The following ZNF48 variants were observed in gnomAD, a reference collection of about 807,000 sequenced individuals.
The protein encoded by ZNF48 is zinc finger protein 553.
In ZNF48, 20 loss-of-function variants were observed where a neutral mutation model predicts 40.0. The observed-to-expected ratio is 0.50, with a 90% CI of 0.35 to 0.73. The LOEUF is 0.73. Ranked by LOEUF, ZNF48 falls within the 30% of genes least tolerant of loss-of-function variation. The pLI is 0.01. For synonymous variants in ZNF48, 298 were observed against 329.7 expected (o/e 0.90, Z 1.04); for missense variants, 726 against 851.9 (o/e 0.85, Z 1.84).
At position 30,388,158 on chromosome 16, in the gene ZNF48, G is replaced by A. The variant is rs150623199; in HGVS notation, c.-15-7622G>A. ...GCTAATTTTTTTTGTATTTTTAGTA[G>A]AGATGGGGTTTCTCAGTGTTGGTCA... On this transcript the variant is annotated intron_variant, in intron 1 of 2. Transcript: ENST00000528032. Among the ~76,000 whole-genome samples the A allele has an allele frequency of 4.8e-3, 722 of 151,906 alleles. 7 individuals carry two copies. The highest frequency in any genetic ancestry group is 0.016 in the African/African-American group (680 of 41,446).
intron 1 of ZNF48, chr16:30,380,034 C>T: frequency 6.2e-7 from 1 of 1,609,322 alleles, no homozygotes. Flanking sequence ...GATCCCGGAT[C>T]TCAGGGGAAA....
At chr16:30,392,031 A>T (rs2049945972), upstream of ZNF48, among the ~76,000 whole-genome samples, 1 of 150,610 alleles carries the variant, frequency 6.6e-6, no homozygotes, top group East Asian at 2.0e-4. Flanking sequence ...TATTTATTTT[A>T]TTTTTTCCTG....
intron 1 of ZNF48, chr16:30,378,791 G>A: frequency 1.5e-6 from 2 of 1,300,084 alleles, no homozygotes; most frequent in Non-Finnish European, 2.1e-6. Context: ...CGAGGTTGGG[G>A]TCTAGGAGGC....
intron 1 of ZNF48, chr16:30,378,597 G>C (rs2049786210): frequency 1.9e-6 from 3 of 1,611,098 alleles, no homozygotes; most frequent in African/African-American, 1.3e-5. Flanking sequence ...GGGGAAGCGA[G>C]GTGCGTGCTC....
intron 1 of ZNF48, chr16:30,379,794 G>A (rs2049817480): frequency 1.6e-6 from 1 of 628,984 alleles, no homozygotes; most frequent in African/African-American, 1.8e-5. Context: ...TTTAGTAGAG[G>A]TGGGGTCTCG....
Position 30,397,244 on chromosome 16 carries a change from T to TC in ZNF48, c.80-85dup. On this transcript the variant is annotated intron_variant, in intron 2 of 2. Coordinates refer to ENST00000613509, the MANE Select transcript of ZNF48 (RefSeq NM_001214909.2). The surrounding 1 kb of genome is among the most constrained non-coding windows in gnomAD (Gnocchi z 4.1). ...TTGGGGTTCCTGTGACCACAGATTG[T>TC]CAAGGGAGTCTTCCTGGAGAGGTTG... 8.0e-7 allele frequency: 1 copy of TC among 1,249,094 alleles called. No homozygotes were observed. The highest frequency in any genetic ancestry group is 2.3e-5 in the East Asian group (1 of 42,836). 77.4% of individuals were successfully genotyped at this position (1,249,094 alleles called of 1,614,324 possible).
In ZNF48 at chr16:30,398,707, A is replaced by G. The variant is rs1042022098; in HGVS notation, c.1457A>G (p.Lys486Arg). 3 of 1,613,420 alleles carry G rather than the reference A, an allele frequency of 1.9e-6. No homozygotes were observed. Among genetic ancestry groups the G allele is most frequent in the African/African-American group, 2.7e-5 (2 of 74,722 alleles). The change falls in exon 3 of 3, where the codon AAG (lysine) becomes AGG (arginine). Residue 486 changes from lysine (K) to arginine (R), a missense_variant. By Grantham distance (26) the Lys-to-Arg change is conservative. Coordinates refer to ENST00000613509, the MANE Select transcript of ZNF48 (RefSeq NM_001214909.2). The surrounding 1 kb of genome is among the most constrained non-coding windows in gnomAD (Gnocchi z 6.6). ...CCCTACCTCTGTCCTGAATGCGGCA[A>G]GGGTTTTGCTGACAGCTCAGCCCGA... is the stretch of plus-strand genomic sequence containing the variant. ...EKPYLCPECG[K>R]GFADSSARVK...
At chr16:30,387,993 T>C (rs1394440271) in intron 1 of ZNF48, among the ~76,000 whole-genome samples, 1 of 145,252 alleles carries the variant, frequency 6.9e-6, no homozygotes, top group African/African-American at 2.6e-5. Context: ...GGAGAGGGAG[T>C]TTTTCTCTTG....
intron 1 of ZNF48, chr16:30,380,867 C>G (rs917930603): frequency 3.8e-6 from 2 of 525,776 alleles, no homozygotes; most frequent in Non-Finnish European, 6.9e-6. Context: ...AGGGAAGTCA[C>G]TATGTTCTCA....
At chr16:30,380,821 T>G in intron 1 of ZNF48, 1 of 404,804 alleles carries the variant, frequency 2.5e-6, no homozygotes, top group East Asian at 5.0e-5. Context: ...GCAGAAACAG[T>G]GGGAAAGGGC....
In ZNF48 at chr16:30,381,239, C is replaced by A. The variant is rs200056893; in HGVS notation, c.-16+2829C>A. 2 of 1,613,944 alleles carry A rather than the reference C, an allele frequency of 1.2e-6. No homozygotes were observed. Among genetic ancestry groups the A allele is most frequent in the South Asian group, 2.2e-5 (2 of 91,076 alleles). On this transcript the variant is annotated intron_variant, in intron 1 of 2. Coordinates refer to the ZNF48 transcript ENST00000528032. This position sits in a 1 kb window ranked among gnomAD's most constrained non-coding sequence, Gnocchi z 4.3. Reference sequence around the variant, plus strand: ...CCGGAGGAAGGCCACATCTAGGGGCCGGAGCCTGCACCCAGGGATTGGTCA... The same window carrying A: ...CCGGAGGAAGGCCACATCTAGGGGCAGGAGCCTGCACCCAGGGATTGGTCA...
intron 1 of ZNF48, among the ~76,000 whole-genome samples, chr16:30,387,336 C>T (rs2049909714): frequency 6.8e-6 from 1 of 147,938 alleles, no homozygotes; most frequent in African/African-American, 2.4e-5. Context: ...GGGCGGTTCA[C>T]CTGATGTCGG....
rs1052582987 is a variant in ZNF48, at chr16:30,395,637, G to T, written c.-16+59G>T. The T allele has an allele frequency of 8.9e-6, 4 of 451,900 alleles. No individual in the cohort carries two copies. Among genetic ancestry groups the T allele is most frequent in the African/African-American group, 4.2e-5 (2 of 47,566 alleles). 28.0% of individuals were successfully genotyped at this position (451,900 alleles called of 1,614,324 possible). ...CAGGTGCAGGGGCGGCCGGCGGCGC[G>T]GGCAGGGGGCACCGGGAGCCGCGCC... is the stretch of plus-strand genomic sequence containing the variant. On this transcript the variant is annotated intron_variant, in intron 1 of 2. Transcript: ENST00000613509. This position sits in a 1 kb window ranked among gnomAD's most constrained non-coding sequence, Gnocchi z 5.9.
At position 30,399,188 on chromosome 16, in the gene ZNF48, T is replaced by G; in HGVS notation, c.*81T>G. 1 of 1,341,522 alleles carries G rather than the reference T, an allele frequency of 7.5e-7. No individual in the cohort carries two copies. Among genetic ancestry groups the G allele is most frequent in the Non-Finnish European group, 1.0e-6 (1 of 998,838 alleles). 83.1% of individuals were successfully genotyped at this position (1,341,522 alleles called of 1,614,324 possible). On this transcript the variant is annotated 3_prime_UTR_variant, in exon 3 of 3. Transcript: ENST00000613509. ...AGCAGAGAAGAAAGGGCCTGGGAGGTGGTGGGAGGGAGAAGGAAGGGAAGA... is the reference window on the plus strand; with the variant it reads ...AGCAGAGAAGAAAGGGCCTGGGAGGGGGTGGGAGGGAGAAGGAAGGGAAGA...
At position 30,383,041 on chromosome 16, in the gene ZNF48, G is replaced by A. The variant is rs117885053; in HGVS notation, c.-16+4631G>A. 4,743 of 527,510 alleles carry A rather than the reference G, an allele frequency of 9.0e-3. 51 individuals are homozygous for A. The highest frequency in any genetic ancestry group is 0.013 in the Non-Finnish European group (3,768 of 290,626). The allele number at this position is 527,510 out of a possible 1,614,324, so 32.7% of individuals were successfully genotyped here. A position where few individuals can be genotyped will look rare whatever the true frequency, so the allele number is the denominator to read the frequency against. On this transcript the variant is annotated intron_variant, in intron 1 of 2. Coordinates refer to the ZNF48 transcript ENST00000528032. ...TACAAAACATTAAAAAATTAGCCAG[G>A]CATGTTGGTACAATCCTGTAGTCCC...
chr16:30,395,394 T>C (rs1252868245), upstream of ZNF48: 2 of 393,268 alleles, frequency 5.1e-6, no homozygotes, highest in Non-Finnish European at 1.0e-5. This position sits in a 1 kb window ranked among gnomAD's most constrained non-coding sequence, Gnocchi z 5.9. Context: ...AGCGGCTCCG[T>C]GCGGCCCCGC....
chr16:30,391,316 A>C (rs1340148356), upstream of ZNF48, among the ~76,000 whole-genome samples: 2 of 152,016 alleles, frequency 1.3e-5, no homozygotes, highest in Non-Finnish European at 2.9e-5. Flanking sequence ...CAGCCTCCTG[A>C]GTAGCTGGGA....
chr16:30,397,952 C>A lies in ZNF48; in HGVS notation c.702C>A (p.Ala234=). The A allele has an allele frequency of 6.2e-7, 1 of 1,613,052 alleles. No homozygotes were observed. Among genetic ancestry groups the A allele is most frequent in the South Asian group, 1.1e-5 (1 of 91,074 alleles). The change falls in exon 3 of 3, where the codon GCC becomes GCA. Residue 234 remains alanine (A), a synonymous_variant. Transcript: ENST00000613509. This position sits in a 1 kb window ranked among gnomAD's most constrained non-coding sequence, Gnocchi z 4.1. ...ICGKGFGDSS[A]RIKHQRTHRG... The stretch of plus-strand genomic sequence containing the variant: ...GCAAGGGCTTTGGCGACAGTTCCGC[C>A]CGCATCAAGCACCAGCGGACACACC...
chr16:30,394,702 T>C (rs968019610), upstream of ZNF48: 2 of 154,384 alleles, frequency 1.3e-5, no homozygotes, highest in African/African-American at 2.4e-5. Context: ...GTCAATGACT[T>C]TATCTCTTAT....
Sources: gnomAD v4.1 joint callset for allele counts (sites outside exome capture counted in the v4.1 genomes callset) on GRCh38, gnomAD v4.1.1 for gene constraint, Gnocchi (gnomAD v3.1) non-coding constraint, MANE v1.5 for transcripts, NCBI Gene and HGNC (gene_info 2026-07-23, HGNC 2026-07-21) for gene names.